The following ADGRA3 variants were observed in gnomAD, a reference collection of about 807,000 sequenced individuals.
ADGRA3 encodes the protein adhesion G protein-coupled receptor A3.
In ADGRA3, 56 loss-of-function variants were observed where a neutral mutation model predicts 119.8. The ratio of observed to expected loss-of-function variants is 0.47; its 90% CI spans 0.38 to 0.58. The LOEUF is 0.58. Among genes scored for constraint, ADGRA3 ranks in the 20% least tolerant of loss-of-function variants. The pLI is 0.00. For synonymous variants in ADGRA3, 607 were observed against 623.8 expected (o/e 0.97, Z 0.40); for missense variants, 1,516 against 1,649.0 (o/e 0.92, Z 1.40).
At chr4:22,427,162 CA>C (rs1169762695) in intron 10 of ADGRA3, among the ~76,000 whole-genome samples, 1 of 152,004 alleles carries the variant, frequency 6.6e-6, no homozygotes, top group Non-Finnish European at 1.5e-5. Context: ...TTATGGCTAA[CA>C]AAAATATTAA....
chr4:22,433,184 C>T (rs1716256293), intron 10 of ADGRA3, among the ~76,000 whole-genome samples: 1 of 152,114 alleles, frequency 6.6e-6, no homozygotes, highest in African/African-American at 2.4e-5. Context: ...AGTAAGTTGC[C>T]ATCACTTGCT....
intron 1 of ADGRA3, among the ~76,000 whole-genome samples, chr4:22,496,917 C>T (rs1204367991): frequency 2.0e-5 from 3 of 152,186 alleles, no homozygotes; most frequent in Non-Finnish European, 4.4e-5. Flanking sequence ...CTGTCATTTC[C>T]CTGATAAGCT....
Position 22,402,734 on chromosome 4 carries a change from G to A in ADGRA3, c.2298C>T (p.Thr766=), listed in dbSNP as rs61736467. The A allele has an allele frequency of 6.3e-3, 10,228 of 1,613,528 alleles. 105 individuals carry two copies. Among genetic ancestry groups the A allele is most frequent in the Middle Eastern group, 0.038 (233 of 6,054 alleles). The part of the protein sequence containing the change: ...ASLLHPVVYT[T]AIILLLCLLA... ...AGAGACATAAGAGGAGAATGATAGCGGTAGTATAAACCACAGGATGCAGGA... is the reference window on the plus strand; with the variant it reads ...AGAGACATAAGAGGAGAATGATAGCAGTAGTATAAACCACAGGATGCAGGA... The change falls in exon 15 of 19, where the codon ACC becomes ACT. Residue 766 remains threonine, a synonymous_variant. Coordinates refer to ENST00000334304, the MANE Select transcript of ADGRA3 (RefSeq NM_145290.4).
In ADGRA3 at chr4:22,390,416, ATATATATAATACGTAT is replaced by A. The variant is rs1440391017; in HGVS notation, c.2628-1249_2628-1234del. Among the ~76,000 whole-genome samples, 13 of 99,584 alleles carry A rather than the reference ATATATATAATACGTAT, an allele frequency of 1.3e-4. 1 individual carries two copies. Among genetic ancestry groups the A allele is most frequent in the African/African-American group, 9.5e-4 (13 of 13,684 alleles). The allele number at this position is 99,584 out of a possible 152,430, so 65.3% of individuals were successfully genotyped here. ...TATATATATATAAAATACGTATTAT[ATATATATAATACGTAT>A]TATATATATATATAAAATACGTATT... On this transcript the variant is annotated intron_variant, in intron 17 of 18. Transcript: ENST00000334304.
chr4:22,397,175 C>CTTTTTTTTTTT, intron 16 of ADGRA3, among the ~76,000 whole-genome samples: 1 of 93,234 alleles, frequency 1.1e-5, no homozygotes, highest in African/African-American at 4.1e-5. Context: ...TACTGTAATT[C>CTTTTTTTTTTT]TTTTTTTTTT....
rs544019506 is a variant in ADGRA3, at chr4:22,444,411, G to C, written c.706+562C>G. 2.0e-3 allele frequency among the ~76,000 whole-genome samples: 311 copies of C among 151,996 alleles called. 1 individual carries two copies. The highest frequency in any genetic ancestry group is 1.6e-3 in the Non-Finnish European group (106 of 67,958). The stretch of plus-strand genomic sequence containing the variant: ...AGCAATTCTCCTGCCTCAGCCTCTC[G>C]AGTAGCTGAAATTACAGTCACCTGC... On this transcript the variant is annotated intron_variant, in intron 6 of 18. Transcript: ENST00000334304.
chr4:22,439,468 GA>G (rs1208777108), intron 7 of ADGRA3, among the ~76,000 whole-genome samples: 1 of 152,072 alleles, frequency 6.6e-6, no homozygotes, highest in Admixed American at 6.6e-5. Flanking sequence ...CAAATGATAA[GA>G]AATAATTAGA....
chr4:22,405,168 C>T (rs1337741235), intron 14 of ADGRA3, among the ~76,000 whole-genome samples: 1 of 152,040 alleles, frequency 6.6e-6, no homozygotes, highest in African/African-American at 2.4e-5. Context: ...AGCTGGATAC[C>T]ATCGAATAAA....
intron 2 of ADGRA3, among the ~76,000 whole-genome samples, chr4:22,468,562 A>C (rs917316561): frequency 1.3e-5 from 2 of 152,120 alleles, no homozygotes; most frequent in African/African-American, 4.8e-5. Flanking sequence ...TGAGGTCAGG[A>C]GTTTGAGACC....
At chr4:22,407,839 G>A (rs979145077) in intron 14 of ADGRA3, among the ~76,000 whole-genome samples, 2 of 152,138 alleles carry the variant, frequency 1.3e-5, no homozygotes, top group Admixed American at 6.5e-5. Flanking sequence ...TATAAAATCA[G>A]TGGACATTTT....
At chr4:22,395,875 A>C (rs965704620) in intron 16 of ADGRA3, among the ~76,000 whole-genome samples, 12 of 152,198 alleles carry the variant, frequency 7.9e-5, no homozygotes, top group African/African-American at 2.2e-4. Flanking sequence ...AATGGTCTTA[A>C]TATTCACTGA....
chr4:22,497,759 C>CAA lies in ADGRA3; in HGVS notation c.257+17767_257+17768dup, dbSNP rs67569148. ...AGCCAAGATCGCATCATTGCTGTCT[C>CAA]AAAAAAAAAAAAAAAAAAAAAAAGG... On this transcript the variant is annotated intron_variant, in intron 1 of 18. Transcript: ENST00000334304. Among the ~76,000 whole-genome samples, 334 of 71,306 alleles carry CAA rather than the reference C, an allele frequency of 4.7e-3. 5 individuals carry two copies. The highest frequency in any genetic ancestry group is 5.3e-3 in the Non-Finnish European group (195 of 36,950). The allele number at this position is 71,306 out of a possible 152,430, so 46.8% of individuals were successfully genotyped here. A position where few individuals can be genotyped will look rare whatever the true frequency, so the allele number is the denominator to read the frequency against.
In ADGRA3 at chr4:22,388,095, G is replaced by A. The variant is rs767119864; in HGVS notation, c.3576C>T (p.Tyr1192=). 1.7e-5 allele frequency: 28 copies of A among 1,614,024 alleles called. No homozygotes were observed. The highest frequency in any genetic ancestry group is 1.5e-4 in the South Asian group (14 of 91,094). The change falls in exon 19 of 19, where the codon TAC becomes TAT. Residue 1192 remains tyrosine, a synonymous_variant. Coordinates refer to ENST00000334304, the MANE Select transcript of ADGRA3 (RefSeq NM_145290.4). ...TTCCTTCCACGCTCGTTGGGACATC[G>A]TAGGCATATTCTCTCAGGACTGTGA... ...SRLTVLREYA[Y]DVPTSVEGSV...
At chr4:22,506,149 A>T (rs2109179626) in intron 1 of ADGRA3, among the ~76,000 whole-genome samples, 1 of 152,236 alleles carries the variant, frequency 6.6e-6, no homozygotes, top group Admixed American at 6.5e-5. Context: ...ATGGGGGGAG[A>T]AGCAGGAAGG....
rs1714184959 is a variant in ADGRA3 at position 22,392,674 on chromosome 4, T to C, written c.2498A>G (p.His833Arg). The part of the protein sequence containing the change: ...SICQAVGIIL[H>R]YSTLATVLWV... ...TAGTACTGTGGCAAGGGTGGAATAG[T>C]GAAGAATTATCCCAACCTACAAGGA... is the stretch of plus-strand genomic sequence containing the variant. The change falls in exon 17 of 19, where the codon CAC becomes CGC. Residue 833 changes from histidine (H) to arginine (R), a missense_variant. Around this residue, in one of 2 missense-constraint regions of ADGRA3, gnomAD observed 1,088 missense variants for 1,107.1 expected, o/e 0.98. Coordinates refer to ENST00000334304, the MANE Select transcript of ADGRA3 (RefSeq NM_145290.4). The C allele has an allele frequency of 6.2e-7, 1 of 1,612,350 alleles. No individual in the cohort carries two copies.
chr4:22,389,032 A>C (rs1713991145), intron 18 of ADGRA3, 56 bp downstream of exon 18: 2 of 1,598,854 alleles, frequency 1.3e-6, no homozygotes, highest in African/African-American at 1.3e-5. Flanking sequence ...AATGCCTAGA[A>C]AATACTTAAA....
chr4:22,441,358 A>C (rs1376879118), intron 7 of ADGRA3, among the ~76,000 whole-genome samples: 1 of 152,208 alleles, frequency 6.6e-6, no homozygotes, highest in Non-Finnish European at 1.5e-5. Flanking sequence ...TGCCTGACCA[A>C]ACAAAAGTTA....
At chr4:22,455,684 T>A in intron 3 of ADGRA3, 1 of 389,090 alleles carries the variant, frequency 2.6e-6, no homozygotes, top group Non-Finnish European at 4.3e-6. Flanking sequence ...CCCTCTTTAT[T>A]TACTTTGCTT....
At chr4:22,433,224 T>C (rs1312477641) in intron 10 of ADGRA3, among the ~76,000 whole-genome samples, 1 of 152,214 alleles carries the variant, frequency 6.6e-6, no homozygotes, top group African/African-American at 2.4e-5. Context: ...TTCCGTCCTA[T>C]GTTAACCAGT....
Sources: gnomAD v4.1 joint callset for allele counts (sites outside exome capture counted in the v4.1 genomes callset) on GRCh38, gnomAD v4.1.1 for gene constraint, gnomAD v4.1.1 regional missense constraint, MANE v1.5 for transcripts, NCBI Gene and HGNC (gene_info 2026-07-23, HGNC 2026-07-21) for gene names.